The following D2HGDH variants were observed in gnomAD, a reference collection of about 807,000 sequenced individuals.
D2HGDH encodes D-2-hydroxyglutarate dehydrogenase, mitochondrial.
Under a neutral mutation model 46.9 loss-of-function variants are expected in D2HGDH, and 31 were observed. The observed-to-expected ratio is 0.66, with a 90% CI of 0.50 to 0.89. The LOEUF (loss-of-function observed/expected upper bound fraction) is 0.89. D2HGDH is among the 40% of genes least tolerant of loss of function. D2HGDH has a pLI of 0.00. For missense variants in D2HGDH, 698 were observed against 720.8 expected, an observed-to-expected ratio of 0.97 and a Z score of 0.36; for synonymous variants, 364 against 332.6, an observed-to-expected ratio of 1.09 and a Z score of -1.03.
Position 241,743,276 on chromosome 2 carries a change from C to T in D2HGDH, c.491-346C>T, listed in dbSNP as rs1353463577. Among the ~76,000 whole-genome samples the T allele has an allele frequency of 3.3e-5, 5 of 152,230 alleles. No homozygotes were observed. The East Asian group carries it at 9.6e-4, about 29-fold the overall frequency. ...CTCCGCCTACAAGGTGCCCATGGCA[C>T]CCCCAACCCAGGCATTGTCCCACAT... On this transcript the variant is annotated intron_variant, in intron 4 of 9. Coordinates refer to ENST00000321264, the MANE Select transcript of D2HGDH (RefSeq NM_152783.5). This position sits in a 1 kb window ranked among gnomAD's most constrained non-coding sequence, Gnocchi z 4.8.
At chr2:241,748,962 C>A in intron 6 of D2HGDH, 1 of 1,277,502 alleles carries the variant, frequency 7.8e-7, no homozygotes, top group East Asian at 6.0e-5. Context: ...AGGAGTCACT[C>A]GCCTCTTCGT....
At chr2:241,744,972 A>C (rs879225904) in intron 6 of D2HGDH, 95 bp downstream of exon 6, 562 of 1,342,586 alleles carry the variant, frequency 4.2e-4, no homozygotes, top group Middle Eastern at 2.1e-3. Flanking sequence ...GGATGGAGGG[A>C]CCCCCCGCCA....
At chr2:241,763,059 G>C (rs1182719749) in intron 9 of D2HGDH, among the ~76,000 whole-genome samples, 2 of 152,190 alleles carry the variant, frequency 1.3e-5, no homozygotes, top group Non-Finnish European at 2.9e-5. Flanking sequence ...AGGGCCTGGG[G>C]CCCCGCCCGG....
chr2:241,763,569 A>G (rs1699018663), intron 9 of D2HGDH, among the ~76,000 whole-genome samples: 1 of 152,166 alleles, frequency 6.6e-6, no homozygotes, highest in Non-Finnish European at 1.5e-5. Flanking sequence ...AATGCTGCAC[A>G]CTGAGGCCAC....
intron 9 of D2HGDH, among the ~76,000 whole-genome samples, chr2:241,759,203 C>A (rs1032176507): frequency 6.6e-6 from 1 of 152,144 alleles, no homozygotes; most frequent in African/African-American, 2.4e-5. Context: ...TTGTACAGAT[C>A]CATCAGATAG....
intron 8 of D2HGDH, chr2:241,755,600 T>C (rs2125156634): frequency 2.0e-6 from 3 of 1,499,888 alleles, no homozygotes; most frequent in Non-Finnish European, 1.8e-6. Context: ...TGTCTGGGAT[T>C]GATTCCAGGG....
chr2:241,744,826 G>T lies in D2HGDH; in HGVS notation c.802G>T (p.Val268Leu). 6.2e-7 allele frequency: 1 copy of T among 1,614,162 alleles called. No homozygotes were observed. The highest frequency in any genetic ancestry group is 1.1e-5 in the South Asian group (1 of 91,076). ...GGGCACTTTGGGGATCATCACCACG[G>T]TGTCCATCTTGTGTCCACCCAAGCC... ...SEGTLGIITTVSILCPPKPRA... is the reference protein window; with the variant it reads ...SEGTLGIITTLSILCPPKPRA... Residue 268 changes from valine to leucine, a missense_variant, in exon 6 of 10, where the codon GTG (valine) becomes TTG (leucine). Coordinates refer to ENST00000321264, the MANE Select transcript of D2HGDH (RefSeq NM_152783.5).
Position 241,750,252 on chromosome 2 carries a change from C to T in D2HGDH, c.955C>T (p.Gln319Ter). Residue 319 changes from glutamine to a stop codon, truncating the protein, a stop_gained, in exon 7 of 10, where the codon CAG becomes TAG. Coordinates refer to ENST00000321264, the MANE Select transcript of D2HGDH (RefSeq NM_152783.5). LOFTEE classifies it high-confidence loss of function. ...CGAGTTCATGGATGCTGTGTGCATGCAGCTGGTCGGGCGCCATCTCCACCT... is the reference window on the plus strand; with the variant it reads ...CGAGTTCATGGATGCTGTGTGCATGTAGCTGGTCGGGCGCCATCTCCACCT... ...AFEFMDAVCM[Q>*]LVGRHLHLAS... is the part of the protein sequence containing the mutation. 6.2e-7 allele frequency: 1 copy of T among 1,613,960 alleles called. No homozygotes were observed. The highest frequency in any genetic ancestry group is 2.2e-5 in the East Asian group (1 of 44,878).
At chr2:241,735,617 G>A in intron 2 of D2HGDH, 101 bp downstream of exon 2, 1 of 1,506,258 alleles carries the variant, frequency 6.6e-7, no homozygotes, top group Non-Finnish European at 9.0e-7. Context: ...GGATGGGGGT[G>A]CCAGCCCCTG....
intron 2 of D2HGDH, 109 bp downstream of exon 2, chr2:241,735,625 C>T: frequency 2.7e-6 from 4 of 1,468,332 alleles, no homozygotes; most frequent in Non-Finnish European, 3.7e-6. Context: ...GTGCCAGCCC[C>T]TGGCTGCGCT....
At chr2:241,749,970 C>G in intron 6 of D2HGDH, 181 bp from the exon 7 acceptor site, 1 of 784,254 alleles carries the variant, frequency 1.3e-6, no homozygotes, top group East Asian at 2.7e-5. Flanking sequence ...GGTGGTAACA[C>G]CAGGCGTGCA....
chr2:241,739,356 C>T (rs971991273), intron 2 of D2HGDH, among the ~76,000 whole-genome samples: 9 of 152,222 alleles, frequency 5.9e-5, no homozygotes, highest in African/African-American at 1.7e-4. Context: ...GCTCCTGAGC[C>T]CACTCGGGAC....
intron 6 of D2HGDH, chr2:241,749,597 TTG>T (rs1159183919): frequency 2.2e-5 from 7 of 322,168 alleles, no homozygotes; most frequent in African/African-American, 1.5e-4. Context: ...TGAGTGCTGA[TTG>T]TGTTAAGAGA....
chr2:241,739,772 C>T (rs546812409), intron 2 of D2HGDH, among the ~76,000 whole-genome samples: 15 of 152,306 alleles, frequency 9.8e-5, no homozygotes, highest in African/African-American at 2.9e-4. Flanking sequence ...AGTGAGAAGC[C>T]GAGAGCCCAC....
intron 2 of D2HGDH, among the ~76,000 whole-genome samples, chr2:241,739,622 A>G (rs1028786372): frequency 7.2e-5 from 11 of 152,222 alleles, no homozygotes; most frequent in Non-Finnish European, 8.8e-5. Context: ...CGTCTCAAGG[A>G]AACCCAAAGG....
rs924674890 is a variant in D2HGDH at position 241,744,980 on chromosome 2, C to T, written c.853+103C>T. ...AGGAAGGGGATGGAGGGACCCCCCG[C>T]CAAGGACAGTCGGTTCCCGTGTCTC... On this transcript the variant is annotated intron_variant, in intron 6 of 9. Coordinates refer to ENST00000321264, the MANE Select transcript of D2HGDH (RefSeq NM_152783.5). 76 of 1,483,702 alleles carry T rather than the reference C, an allele frequency of 5.1e-5. 1 individual carries two copies. Among genetic ancestry groups the T allele is most frequent in the South Asian group, 2.1e-4 (18 of 85,868 alleles). 91.9% of individuals were successfully genotyped at this position (1,483,702 alleles called of 1,614,324 possible). A position where few individuals can be genotyped will look rare whatever the true frequency, so the allele number is the denominator to read the frequency against.
intron 1 of D2HGDH, 47 bp from the exon 2 acceptor site, chr2:241,735,086 T>G: frequency 1.1e-6 from 1 of 947,902 alleles, no homozygotes; most frequent in Non-Finnish European, 1.5e-6. Flanking sequence ...CGTGTTTCAA[T>G]TTGTACAACG....
chr2:241,754,150 T>G (rs1697779459), intron 8 of D2HGDH, among the ~76,000 whole-genome samples: 1 of 152,158 alleles, frequency 6.6e-6, no homozygotes, highest in Non-Finnish European at 1.5e-5. Flanking sequence ...GCCCATCTTG[T>G]GGCCACGGGG....
Position 241,755,047 on chromosome 2 carries a change from C to T in D2HGDH, c.1141-802C>T, listed in dbSNP as rs919937856. 5 of 1,300,698 alleles carry T rather than the reference C, an allele frequency of 3.8e-6. No homozygotes were observed. In the African/African-American group the frequency reaches 7.6e-5, roughly 20 times the overall value. The allele number at this position is 1,300,698 out of a possible 1,614,324, so 80.6% of individuals were successfully genotyped here. On this transcript the variant is annotated intron_variant, in intron 8 of 9. Transcript: ENST00000321264. ...CTGTCCTGTTCCTCATGGTGCAGAT[C>T]TCCACAATGGAAGTTCGAAGCAAGC...
Sources: gnomAD v4.1 joint callset for allele counts (sites outside exome capture counted in the v4.1 genomes callset) on GRCh38, gnomAD v4.1.1 for gene constraint, Gnocchi (gnomAD v3.1) non-coding constraint, MANE v1.5 for transcripts, NCBI Gene and HGNC (gene_info 2026-07-23, HGNC 2026-07-21) for gene names.